The following TSNARE1 variants were observed in gnomAD, a reference collection of about 807,000 sequenced individuals.
TSNARE1 encodes t-SNARE domain containing 1.
TSNARE1 carries 49 observed loss-of-function variants against 62.0 expected under a neutral mutation model. That is an observed-to-expected ratio of 0.79 (90% CI 0.63 to 1.00). The LOEUF (loss-of-function observed/expected upper bound fraction) is 1.00, where lower values mean the gene tolerates loss of function less well. TSNARE1 is among the 50% of genes least tolerant of loss of function. The pLI, the probability that TSNARE1 is intolerant of heterozygous loss-of-function variation, is 0.00. For synonymous variants in TSNARE1, 328 were observed against 294.4 expected, an observed-to-expected ratio of 1.11 and a Z score of -1.17; for missense variants, 755 against 700.1, an observed-to-expected ratio of 1.08 and a Z score of -0.88.
chr8:142,319,475 C>T lies in TSNARE1; in HGVS notation c.894-841G>A, dbSNP rs973338258. On this transcript the variant is annotated intron_variant, in intron 6 of 13. Transcript: ENST00000524325. The surrounding 1 kb of genome is among the most constrained non-coding windows in gnomAD (Gnocchi z 4.9). ...ACCAGCCCGTCTCCCGCTTGGGGTT[C>T]GCCACCCCCATCCCTGGAGAGAGGA... 2.0e-5 allele frequency among the ~76,000 whole-genome samples: 3 copies of T among 152,078 alleles called. No homozygotes were observed. The highest frequency in any genetic ancestry group is 4.4e-5 in the Non-Finnish European group (3 of 67,992).
At position 142,339,132 on chromosome 8, in the gene TSNARE1, G is replaced by C. The variant is rs553652629; in HGVS notation, c.745+4834C>G. 4.6e-5 allele frequency among the ~76,000 whole-genome samples: 7 copies of C among 152,256 alleles called. No homozygotes were observed. The East Asian group carries it at 1.4e-3, about 30-fold the overall frequency. Reference sequence around the variant, plus strand: ...CCACTCTGGGCCTCTGCACATCCATGATGGTGCTTCAAAATCCACAGAGCA... The same window carrying C: ...CCACTCTGGGCCTCTGCACATCCATCATGGTGCTTCAAAATCCACAGAGCA... On this transcript the variant is annotated intron_variant, in intron 4 of 13. Transcript: ENST00000524325.
At chr8:142,278,693 C>T (rs967979422) in intron 11 of TSNARE1, 12 of 985,314 alleles carry the variant, frequency 1.2e-5, no homozygotes, top group Non-Finnish European at 1.2e-5. Flanking sequence ...CAGACAGAAA[C>T]GCCTGGCTTC....
intron 12 of TSNARE1, chr8:142,272,489 C>T (rs569716126): frequency 4.0e-4 from 94 of 232,790 alleles, no homozygotes; most frequent in Middle Eastern, 2.3e-3. Context: ...TCTACACCTT[C>T]CTTCTTCCAT....
chr8:142,303,221 G>C (rs1460978299), intron 9 of TSNARE1, among the ~76,000 whole-genome samples: 1 of 152,122 alleles, frequency 6.6e-6, no homozygotes, highest in Non-Finnish European at 1.5e-5. Flanking sequence ...GCTCAGGGTG[G>C]GCACGTGCAG....
chr8:142,254,915 C>G (rs1818348056), intron 12 of TSNARE1, among the ~76,000 whole-genome samples: 1 of 152,174 alleles, frequency 6.6e-6, no homozygotes. Context: ...GCCTGCCACT[C>G]CCTGGGCCAG....
At chr8:142,247,798 CA>C in intron 12 of TSNARE1, 2 of 152,510 alleles carry the variant, frequency 1.3e-5, no homozygotes, top group East Asian at 3.9e-4. Flanking sequence ...AGACTTCCTG[CA>C]CTCAAGCGAT....
chr8:142,339,690 G>C (rs1349184892), intron 4 of TSNARE1, among the ~76,000 whole-genome samples: 1 of 152,258 alleles, frequency 6.6e-6, no homozygotes, highest in African/African-American at 2.4e-5. Flanking sequence ...AGTCGGGGAA[G>C]CATAGGGCAG....
At chr8:142,277,752 T>C in intron 11 of TSNARE1, 1 of 985,372 alleles carries the variant, frequency 1.0e-6, no homozygotes, top group Non-Finnish European at 1.2e-6. Context: ...GAGTGGCTGA[T>C]CCACCAGGGG....
At chr8:142,215,914 G>A (rs1377860953) in intron 13 of TSNARE1, among the ~76,000 whole-genome samples, 7 of 152,352 alleles carry the variant, frequency 4.6e-5, no homozygotes, top group African/African-American at 1.7e-4. Flanking sequence ...TGGCTTTGTG[G>A]TGCCATGGAA....
chr8:142,219,733 C>T (rs533837524), intron 13 of TSNARE1, among the ~76,000 whole-genome samples: 1 of 152,322 alleles, frequency 6.6e-6, no homozygotes, highest in African/African-American at 2.4e-5. Context: ...CCGGGATGAC[C>T]CTGAGCCCTG....
chr8:142,318,516 C>A lies in TSNARE1; in HGVS notation c.984+28G>T, dbSNP rs373272970. The stretch of plus-strand genomic sequence containing the variant: ...GCAGAGGGGTCCATTCCTCTCCTCC[C>A]TCCCAGCCCCAGACCCCAGGAACAT... On this transcript the variant is annotated intron_variant, in intron 7 of 13. Transcript: ENST00000524325. 1.0e-5 allele frequency: 16 copies of A among 1,605,184 alleles called. No individual in the cohort carries two copies. In the East Asian group the frequency reaches 3.6e-4, roughly 36 times the overall value.
At chr8:142,271,404 G>A in intron 12 of TSNARE1, 2 of 1,242,126 alleles carry the variant, frequency 1.6e-6, no homozygotes, top group Non-Finnish European at 2.0e-6. Context: ...TGCTGCCGGT[G>A]GGAGTCCAGC....
At chr8:142,235,395 AC>A (rs1210655124) in intron 12 of TSNARE1, among the ~76,000 whole-genome samples, 2 of 71,122 alleles carry the variant, frequency 2.8e-5, no homozygotes, top group Admixed American at 2.8e-4. Flanking sequence ...CTGCCCCTCC[AC>A]CCCCACCCCT....
intron 9 of TSNARE1, among the ~76,000 whole-genome samples, chr8:142,305,411 G>A (rs1256550137): frequency 2.0e-5 from 3 of 152,164 alleles, no homozygotes; most frequent in African/African-American, 4.8e-5. Context: ...AGGCTGGGGT[G>A]CGGGCTGTGT....
intron 12 of TSNARE1, among the ~76,000 whole-genome samples, chr8:142,249,443 C>T (rs1474053641): frequency 6.6e-6 from 1 of 152,184 alleles, no homozygotes; most frequent in Non-Finnish European, 1.5e-5. Context: ...GACAGCCGAC[C>T]TGGAAAGGGG....
At chr8:142,233,559 C>T (rs552974795) in intron 12 of TSNARE1, among the ~76,000 whole-genome samples, 7 of 152,310 alleles carry the variant, frequency 4.6e-5, no homozygotes, top group Non-Finnish European at 1.0e-4. Context: ...CAGGAGGGGC[C>T]GGTGTGCTTG....
At chr8:142,300,351 G>T in intron 10 of TSNARE1, 135 bp downstream of exon 10, 1 of 1,020,540 alleles carries the variant, frequency 9.8e-7, no homozygotes, top group Non-Finnish European at 1.4e-6. Flanking sequence ...GAATGGGCAA[G>T]GCCATGGAGG....
intron 1 of TSNARE1, among the ~76,000 whole-genome samples, chr8:142,390,963 G>A (rs572395034): frequency 3.6e-5 from 5 of 139,422 alleles, no homozygotes; most frequent in Non-Finnish European, 7.7e-5. Context: ...TATAGCAGAC[G>A]CTGTACACTG....
chr8:142,236,346 G>T (rs1315441132), intron 12 of TSNARE1, among the ~76,000 whole-genome samples: 9 of 152,006 alleles, frequency 5.9e-5, no homozygotes, highest in Admixed American at 5.9e-4. Flanking sequence ...GCAGGGGCAG[G>T]TGGGGCAGGA....
Sources: allele counts gnomAD v4.1 joint callset (sites outside exome capture counted in the v4.1 genomes callset), GRCh38; gene constraint gnomAD v4.1.1; non-coding constraint Gnocchi (gnomAD v3.1); transcripts MANE v1.5; gene names NCBI Gene and HGNC (gene_info 2026-07-23, HGNC 2026-07-21).